Variants in CCDC74A observed in about 807,000 individuals in gnomAD.
CCDC74A encodes the protein coiled-coil domain-containing protein 74A.
A neutral mutation model predicts 37.6 loss-of-function variants in CCDC74A; 38 were observed. The ratio of observed to expected loss-of-function variants is 1.01; its 90% confidence interval spans 0.78 to 1.33. CCDC74A has a LOEUF of 1.33. Ranked by LOEUF, CCDC74A falls within the 40% of genes most tolerant of loss-of-function variation. The probability of loss-of-function intolerance (pLI) is 0.00; values close to 1 mark genes in which losing one functional copy is unlikely to be tolerated. For synonymous variants in CCDC74A, 134 were observed against 165.2 expected, an observed-to-expected ratio of 0.81 and a Z score of 1.45; for missense variants, 340 against 403.4, an observed-to-expected ratio of 0.84 and a Z score of 1.35.
At chr2:131,526,613 C>T (rs150037000), upstream of CCDC74A, among the ~76,000 whole-genome samples, 28 of 152,304 alleles carry the variant, frequency 1.8e-4, no homozygotes, top group East Asian at 5.4e-3. Flanking sequence ...ATATTTAAGT[C>T]TGGCTCTGAT....
chr2:131,528,409 G>C (rs1174050763), intron 1 of CCDC74A, 189 bp downstream of exon 1: 7 of 1,550,604 alleles, frequency 4.5e-6, no homozygotes, highest in African/African-American at 1.4e-5. Context: ...CGTGGCCCCC[G>C]GGCAGTGCCG....
At chr2:131,531,985 G>C (rs1176300308) in intron 4 of CCDC74A, among the ~76,000 whole-genome samples, 183 bp downstream of exon 4, 2 of 149,368 alleles carry the variant, frequency 1.3e-5, no homozygotes, top group African/African-American at 4.9e-5. Flanking sequence ...CTACCCATCG[G>C]TGGGCGCTGT....
upstream of CCDC74A, among the ~76,000 whole-genome samples, chr2:131,525,179 A>G (rs369955700): frequency 2.0e-5 from 3 of 152,324 alleles, no homozygotes; most frequent in East Asian, 3.9e-4. Context: ...AAAAAAAAAT[A>G]AAGATTATAT....
At chr2:131,523,459 C>T (rs1354446385), upstream of CCDC74A, among the ~76,000 whole-genome samples, 1 of 152,116 alleles carries the variant, frequency 6.6e-6, no homozygotes, top group Non-Finnish European at 1.5e-5. Flanking sequence ...GAAATCCCAT[C>T]TCTACTAAAA....
At chr2:131,531,004 G>A (rs960863030) in intron 3 of CCDC74A, among the ~76,000 whole-genome samples, 177 bp downstream of exon 3, 2 of 151,008 alleles carry the variant, frequency 1.3e-5, no homozygotes, top group Non-Finnish European at 3.0e-5. Context: ...GGGGATTAAG[G>A]GGGGGTGGGC....
upstream of CCDC74A, among the ~76,000 whole-genome samples, chr2:131,527,234 G>A (rs997588028): frequency 1.3e-5 from 2 of 151,042 alleles, no homozygotes; most frequent in African/African-American, 2.4e-5. Context: ...CTCAGCCTCC[G>A]GAGTAGCTGG....
chr2:131,527,887 C>T, upstream of CCDC74A: 5 of 1,406,760 alleles, frequency 3.6e-6, no homozygotes, highest in Non-Finnish European at 4.6e-6. Context: ...GCCCGGTTTC[C>T]ATGGTGACGG....
chr2:131,533,250 G>A lies in CCDC74A; in HGVS notation c.810-19G>A. ...ACTCCCGGGGATGCTCACGGTGACA[G>A]TCCCTCTACCCGCCCCAGCCTGAGC... On this transcript the variant is annotated intron_variant, in intron 7 of 7. Coordinates refer to ENST00000409856, the MANE Select transcript of CCDC74A (RefSeq NM_001258306.3). 6.2e-7 allele frequency: 1 copy of A among 1,612,150 alleles called. No individual in the cohort carries two copies. The highest frequency in any genetic ancestry group is 2.2e-5 in the East Asian group (1 of 44,824).
upstream of CCDC74A, among the ~76,000 whole-genome samples, chr2:131,527,229 C>T (rs2104774661): frequency 6.6e-6 from 1 of 152,084 alleles, no homozygotes; most frequent in African/African-American, 2.4e-5. Flanking sequence ...CCTGCCTCAG[C>T]CTCCGGAGTA....
chr2:131,528,011 G>C lies in CCDC74A; in HGVS notation c.41G>C (p.Ser14Thr), dbSNP rs1680460969. ...GTGGCGGCTGGGACGCGGCCCCCCA[G>C]CTCGCCGACCCCGGGCTCTCGGCGC... ...AGVAAGTRPP[S>T]SPTPGSRRRR... is the part of the protein sequence containing the mutation. The change falls in exon 1 of 8, where the codon AGC becomes ACC. Residue 14 changes from serine (S) to threonine (T), a missense_variant. Around this residue, in one of 3 missense-constraint regions of CCDC74A, gnomAD observed 154 missense variants for 153.9 expected, o/e 1.00. Transcript: ENST00000409856. 1.4e-6 allele frequency: 2 copies of C among 1,471,218 alleles called. No homozygotes were observed. Among genetic ancestry groups the C allele is most frequent in the Non-Finnish European group, 1.8e-6 (2 of 1,113,138 alleles). 91.1% of individuals were successfully genotyped at this position (1,471,218 alleles called of 1,614,324 possible).
Position 131,528,593 on chromosome 2 carries a change from G to C in CCDC74A, c.250+373G>C, listed in dbSNP as rs917316220. 2.2e-5 allele frequency: 20 copies of C among 928,690 alleles called. No homozygotes were observed. The African/African-American group carries it at 2.8e-4, about 13-fold the overall frequency. The allele number at this position is 928,690 out of a possible 1,614,324, so 57.5% of individuals were successfully genotyped here. A position where few individuals can be genotyped will look rare whatever the true frequency, so the allele number is the denominator to read the frequency against. ...TGGGAGGCCGAGACGGGCGGATCAC[G>C]AGGTCAGGAGATCGAGACCATCCTG... On this transcript the variant is annotated intron_variant, in intron 1 of 7. Transcript: ENST00000409856.
At chr2:131,530,283 G>A (rs1235368402) in intron 2 of CCDC74A, 1 of 1,543,178 alleles carries the variant, frequency 6.5e-7, no homozygotes, top group Admixed American at 2.0e-5. Context: ...CATTATCTTT[G>A]GGGCTGGGGC....
chr2:131,526,331 G>A (rs984965559), upstream of CCDC74A, among the ~76,000 whole-genome samples: 1 of 151,624 alleles, frequency 6.6e-6, no homozygotes, highest in African/African-American at 2.4e-5. Context: ...TTTTTTAGTA[G>A]AGATGGGATA....
intron 1 of CCDC74A, chr2:131,528,643 T>C: frequency 1.7e-6 from 1 of 600,862 alleles, no homozygotes; most frequent in East Asian, 4.1e-5. Flanking sequence ...ATCTCGTCTC[T>C]ACTAAAAATA....
In CCDC74A at chr2:131,533,279, C is replaced by T; in HGVS notation, c.820C>T (p.Pro274Ser). 6.2e-7 allele frequency: 1 copy of T among 1,613,058 alleles called. No individual in the cohort carries two copies. The highest frequency in any genetic ancestry group is 8.5e-7 in the Non-Finnish European group (1 of 1,179,886). ...CTCTACCCGCCCCAGCCTGAGCCCA[C>T]CTGTGGCGGAGCGTGCCATCCTGCC... Reference protein sequence around the residue: ...KSLSKKCLSPPVAERAILPAL... With the variant: ...KSLSKKCLSPSVAERAILPAL... Residue 274 changes from proline to serine, a missense_variant, in exon 8 of 8, where the codon CCT becomes TCT. Pro to Ser is a moderately conservative substitution (Grantham distance 74). Around this residue, in one of 3 missense-constraint regions of CCDC74A, gnomAD observed 185 missense variants for 231.5 expected, o/e 0.80. Transcript: ENST00000409856.
intron 1 of CCDC74A, chr2:131,529,145 C>T: frequency 4.7e-6 from 1 of 212,762 alleles, no homozygotes. Flanking sequence ...GTGCCCGCGG[C>T]CTCCTCTCCC....
intron 2 of CCDC74A, 147 bp downstream of exon 2, chr2:131,529,838 A>T: frequency 1.3e-6 from 2 of 1,515,694 alleles, no homozygotes; most frequent in South Asian, 2.6e-5. Flanking sequence ...AGATGCCGCT[A>T]CCTCTAGCCG....
chr2:131,529,967 G>A (rs1489393489), intron 2 of CCDC74A: 7 of 1,511,764 alleles, frequency 4.6e-6, no homozygotes, highest in East Asian at 4.9e-5. Context: ...CCTCCTCCAA[G>A]TAGAGCTGAA....
In CCDC74A at chr2:131,532,769, G is replaced by C; in HGVS notation, c.666G>C (p.Leu222=). Residue 222 remains leucine, a synonymous_variant, in exon 5 of 8, where the codon CTG becomes CTC. Transcript: ENST00000409856. ...GCGAGCTGTGGAATACCAACCTCCT[G>C]CAGACCCAAGAGGTGAGGCCCTGGG... is the stretch of plus-strand genomic sequence containing the variant. The part of the protein sequence containing the change: ...LIRELWNTNL[L]QTQELRHLKS... 1 of 1,613,526 alleles carries C rather than the reference G, an allele frequency of 6.2e-7. No homozygotes were observed.
Sources: allele counts gnomAD v4.1 joint callset (sites outside exome capture counted in the v4.1 genomes callset), GRCh38; gene constraint gnomAD v4.1.1; regional missense constraint gnomAD v4.1.1; transcripts MANE v1.5; gene names NCBI Gene and HGNC (gene_info 2026-07-23, HGNC 2026-07-21).